Variants in NWD1 observed in about 807,000 individuals in gnomAD.
NWD1 encodes NACHT and WD repeat domain containing 1, also known as NACHT domain- and WD repeat-containing protein 1.
Under a neutral mutation model 135.1 loss-of-function variants are expected in NWD1, and 129 were observed. The observed-to-expected ratio is 0.96, with a 90% CI of 0.83 to 1.11. The LOEUF (loss-of-function observed/expected upper bound fraction) is 1.11, where lower values mean the gene tolerates loss of function less well. Ranked by LOEUF, NWD1 falls within the 50% of genes least tolerant of loss-of-function variation. NWD1 has a pLI of 0.00. For synonymous variants in NWD1, 773 were observed against 786.0 expected, an observed-to-expected ratio of 0.98 and a Z score of 0.28; for missense variants, 1,740 against 1,851.3, an observed-to-expected ratio of 0.94 and a Z score of 1.10.
chr19:16,811,234 C>T (rs1970914107), intron 18 of NWD1, among the ~76,000 whole-genome samples: 1 of 152,144 alleles, frequency 6.6e-6, no homozygotes, highest in South Asian at 2.1e-4. Flanking sequence ...ACAATCATAG[C>T]TAACATCCGT....
chr19:16,729,954 TTG>T (rs1267756937), intron 2 of NWD1, among the ~76,000 whole-genome samples: 1 of 151,768 alleles, frequency 6.6e-6, no homozygotes, highest in East Asian at 1.9e-4. Context: ...AAAGAAAGAT[TTG>T]TCCCTGTTAT....
intron 8 of NWD1, among the ~76,000 whole-genome samples, chr19:16,762,450 C>G (rs1382085798): frequency 6.6e-6 from 1 of 151,904 alleles, no homozygotes; most frequent in African/African-American, 2.4e-5. Flanking sequence ...GCACCCGCCA[C>G]CATGCCTGGC....
intron 15 of NWD1, among the ~76,000 whole-genome samples, chr19:16,794,857 T>C (rs192918399): frequency 1.3e-5 from 2 of 152,146 alleles, no homozygotes. Flanking sequence ...TCATAATTCA[T>C]TGCAGCCTTG....
chr19:16,741,368 G>GTTTTTT (rs11292982), intron 4 of NWD1, among the ~76,000 whole-genome samples: 14 of 125,022 alleles, frequency 1.1e-4, no homozygotes, highest in African/African-American at 3.6e-4. Context: ...TTGTTTTTGT[G>GTTTTTT]TTTTTTTTTT....
chr19:16,798,021 G>T (rs1197088397), intron 16 of NWD1, 135 bp downstream of exon 16: 1 of 761,556 alleles, frequency 1.3e-6, no homozygotes, highest in Non-Finnish European at 2.2e-6. Context: ...TCATTGGGAG[G>T]ATATGGGGGT....
At chr19:16,773,854 ATCTC>A (rs542879983) in intron 11 of NWD1, among the ~76,000 whole-genome samples, 140 of 151,258 alleles carry the variant, frequency 9.3e-4, no homozygotes, top group African/African-American at 2.6e-3. Context: ...CCATTCATTC[ATCTC>A]TCTATCTACC....
chr19:16,774,351 CCCACCCAT>C (rs1385392911), intron 11 of NWD1, among the ~76,000 whole-genome samples: 1 of 144,156 alleles, frequency 6.9e-6, no homozygotes, highest in Non-Finnish European at 1.5e-5. Flanking sequence ...CATCCATCCT[CCCACCCAT>C]CCACCCATCC....
In NWD1 at chr19:16,759,432, G is replaced by A. The variant is rs1240052833; in HGVS notation, c.1973+4G>A. The stretch of plus-strand genomic sequence containing the variant: ...CCCTCCTGGCCATTGCCCACAGGTA[G>A]GTCCAGGCAGCAGTGGCAGCGACAC... On this transcript the variant is annotated splice_donor_region_variant and intron_variant, in intron 7 of 18. Transcript: ENST00000524140. 8.4e-6 allele frequency: 13 copies of A among 1,549,358 alleles called. No homozygotes were observed. The highest frequency in any genetic ancestry group is 1.4e-5 in the African/African-American group (1 of 73,292).
rs1968441749 is a variant in NWD1 at position 16,749,142 on chromosome 19, T to C, written c.500T>C (p.Ile167Thr). Reference sequence around the variant, plus strand: ...CCCACCTTCCCCACTTTGGCAGTCATTGAGTGGGAGATAGAGCGGAGCCTG... The same window carrying C: ...CCCACCTTCCCCACTTTGGCAGTCACTGAGTGGGAGATAGAGCGGAGCCTG... ...EQWQHYHRSV[I>T]EWEIERSLLS... Residue 167 changes from isoleucine to threonine, a missense_variant, in exon 6 of 19, where the codon ATT becomes ACT. By Grantham distance (89) the Ile-to-Thr change is moderately conservative. Transcript: ENST00000524140. 1.3e-6 allele frequency: 2 copies of C among 1,589,136 alleles called. No individual in the cohort carries two copies. The highest frequency in any genetic ancestry group is 2.2e-5 in the East Asian group (1 of 44,452).
At chr19:16,737,520 G>T (rs1268466983) in intron 4 of NWD1, among the ~76,000 whole-genome samples, 1 of 149,918 alleles carries the variant, frequency 6.7e-6, no homozygotes, top group Non-Finnish European at 1.5e-5. Flanking sequence ...GCCTCCCAAA[G>T]TTCTGGGATT....
chr19:16,729,777 G>A, intron 2 of NWD1, among the ~76,000 whole-genome samples: 1 of 151,794 alleles, frequency 6.6e-6, no homozygotes, highest in East Asian at 1.9e-4. Context: ...GCTGAGGCAG[G>A]AGAATCCCTT....
intron 11 of NWD1, among the ~76,000 whole-genome samples, chr19:16,775,935 G>A (rs1969585216): frequency 1.3e-5 from 2 of 152,186 alleles, no homozygotes; most frequent in Admixed American, 6.6e-5. Context: ...CCAAAGTGCT[G>A]GGATTACAGG....
rs1332007451 is a variant in NWD1, at chr19:16,787,867, TAATAATAAC to T, written c.2732-1106_2732-1098del. Among the ~76,000 whole-genome samples, 31 of 114,286 alleles carry T rather than the reference TAATAATAAC, an allele frequency of 2.7e-4. 1 individual carries two copies. The East Asian group carries it at 2.9e-3, about 11-fold the overall frequency. The allele number at this position is 114,286 out of a possible 152,430, so 75.0% of individuals were successfully genotyped here. A position where few individuals can be genotyped will look rare whatever the true frequency, so the allele number is the denominator to read the frequency against. On this transcript the variant is annotated intron_variant, in intron 12 of 18. Coordinates refer to ENST00000524140, the MANE Select transcript of NWD1 (RefSeq NM_001007525.5). ...AGAGCAAGACTCCATCTCAAAATAGTAATAATAACAATAATAATAATAATAATAATAATA... is the reference window on the plus strand; with the variant it reads ...AGAGCAAGACTCCATCTCAAAATAGTAATAATAATAATAATAATAATAATA...
intron 18 of NWD1, among the ~76,000 whole-genome samples, chr19:16,811,768 T>C (rs185763727): frequency 2.6e-5 from 4 of 152,052 alleles, no homozygotes; most frequent in African/African-American, 9.6e-5. Flanking sequence ...ATTGGATCCA[T>C]CCCCCTGTGG....
intron 10 of NWD1, among the ~76,000 whole-genome samples, chr19:16,768,915 C>A (rs1969319914): frequency 1.3e-5 from 2 of 152,182 alleles, no homozygotes; most frequent in African/African-American, 4.8e-5. Flanking sequence ...TCTCTTTATT[C>A]TCCTGGCCAT....
intron 12 of NWD1, among the ~76,000 whole-genome samples, chr19:16,787,615 T>A (rs893240233): frequency 6.6e-6 from 1 of 152,078 alleles, no homozygotes; most frequent in Admixed American, 6.6e-5. Flanking sequence ...ATCCCAGCAC[T>A]TTGGAAGGCC....
At chr19:16,774,622 A>G (rs1013209243) in intron 11 of NWD1, among the ~76,000 whole-genome samples, 3 of 149,084 alleles carry the variant, frequency 2.0e-5, no homozygotes, top group African/African-American at 7.5e-5. Flanking sequence ...CCATTCATCA[A>G]ATCACCTTCC....
rs912505114 is a variant in NWD1 at position 16,756,924 on chromosome 19, C to T, written c.1770-2301C>T. 1.1e-4 allele frequency among the ~76,000 whole-genome samples: 16 copies of T among 152,166 alleles called. No individual in the cohort carries two copies. In the East Asian group the frequency reaches 1.4e-3, roughly 13 times the overall value. ...AGAGCACAAACCTTGTTGGGAACTG[C>T]GCATATGAGGGATCTAGGTTGCTTG... On this transcript the variant is annotated intron_variant, in intron 6 of 18. Transcript: ENST00000524140.
chr19:16,762,798 C>T lies in NWD1; in HGVS notation c.2133+660C>T, dbSNP rs75020273. On this transcript the variant is annotated intron_variant, in intron 8 of 18. Coordinates refer to ENST00000524140, the MANE Select transcript of NWD1 (RefSeq NM_001007525.5). ...CCCTCCCTCGCTTCCTTCCTTCCTT[C>T]CTTCCTGACAGAGTCTTGCTCTGTC... Among the ~76,000 whole-genome samples the T allele has an allele frequency of 1.5e-3, 221 of 151,070 alleles. 5 individuals carry two copies. The East Asian group carries it at 0.035, about 24-fold the overall frequency.
Sources: gnomAD v4.1 joint callset for allele counts (sites outside exome capture counted in the v4.1 genomes callset) on GRCh38, gnomAD v4.1.1 for gene constraint, MANE v1.5 for transcripts, NCBI Gene and HGNC (gene_info 2026-07-23, HGNC 2026-07-21) for gene names.